The following DLG2 variants were observed in gnomAD, a reference collection of about 807,000 sequenced individuals.
The protein encoded by DLG2 is disks large homolog 2.
In DLG2, 45 loss-of-function variants were observed where a neutral mutation model predicts 132.5. The observed-to-expected ratio is 0.34, with a 90% confidence interval of 0.27 to 0.44. DLG2 has a LOEUF of 0.44. Ranked by LOEUF, DLG2 falls within the 20% of genes least tolerant of loss-of-function variation. DLG2 has a pLI of 1.00. For missense variants in DLG2, 1,045 were observed against 1,196.9 expected, an observed-to-expected ratio of 0.87 and a Z score of 1.87; for synonymous variants, 424 against 419.6, an observed-to-expected ratio of 1.01 and a Z score of -0.13.
chr11:84,605,580 G>A (rs1480382049), intron 6 of DLG2, among the ~76,000 whole-genome samples: 4 of 142,674 alleles, frequency 2.8e-5, no homozygotes, highest in Admixed American at 1.4e-4. Context: ...GTAATGCTAC[G>A]TAATCCTCTG....
intron 6 of DLG2, among the ~76,000 whole-genome samples, chr11:84,757,174 TC>T (rs567076809): frequency 1.9e-4 from 29 of 152,250 alleles, no homozygotes; most frequent in African/African-American, 6.7e-4. Flanking sequence ...CTCAGTGTGG[TC>T]CTTGGATGAA....
In DLG2 at chr11:84,515,276, T is replaced by TACACAC. The variant is rs142638064; in HGVS notation, c.519+19288_519+19293dup. ...CGTAGATTGGCTGAATGAACTTAAA[T>TACACAC]ACACACACACACACACACACACACA... On this transcript the variant is annotated intron_variant, in intron 7 of 27. Transcript: ENST00000376104. 3.9e-3 allele frequency among the ~76,000 whole-genome samples: 551 copies of TACACAC among 141,932 alleles called. 4 individuals are homozygous for TACACAC. The highest frequency in any genetic ancestry group is 0.012 in the African/African-American group (451 of 38,728). The allele number at this position is 141,932 out of a possible 152,430, so 93.1% of individuals were successfully genotyped here. A position where few individuals can be genotyped will look rare whatever the true frequency, so the allele number is the denominator to read the frequency against.
At chr11:83,836,831 A>G (rs549123504) in intron 16 of DLG2, among the ~76,000 whole-genome samples, 2 of 152,310 alleles carry the variant, frequency 1.3e-5, no homozygotes, top group African/African-American at 2.4e-5. Context: ...CCTGACTTAC[A>G]TTTGTAAATG....
intron 6 of DLG2, among the ~76,000 whole-genome samples, chr11:84,777,031 T>C (rs1469773859): frequency 6.6e-6 from 1 of 151,906 alleles, no homozygotes; most frequent in Non-Finnish European, 1.5e-5. Flanking sequence ...TAATTTCTTA[T>C]CATCCAGCTC....
At chr11:84,562,926 AT>A (rs1165844204) in intron 6 of DLG2, among the ~76,000 whole-genome samples, 1 of 151,814 alleles carries the variant, frequency 6.6e-6, no homozygotes, top group African/African-American at 2.4e-5. Flanking sequence ...CTAATTTTTT[AT>A]TTTTCATAGA....
chr11:83,900,086 C>T (rs1366058359), intron 15 of DLG2, among the ~76,000 whole-genome samples: 1 of 152,154 alleles, frequency 6.6e-6, no homozygotes, highest in African/African-American at 2.4e-5. Context: ...CATTTTCCCC[C>T]TGCCCAAGAG....
At chr11:85,533,923 A>G (rs1207084053) in intron 3 of DLG2, among the ~76,000 whole-genome samples, 1 of 152,220 alleles carries the variant, frequency 6.6e-6, no homozygotes, top group African/African-American at 2.4e-5. Context: ...ATTTAAGGAA[A>G]ACTCTAGGTT....
chr11:83,795,400 T>A (rs182567006), intron 17 of DLG2, among the ~76,000 whole-genome samples: 1 of 132,120 alleles, frequency 7.6e-6, no homozygotes, highest in East Asian at 2.1e-4. Flanking sequence ...AGAGTGAGAC[T>A]CTTTATAAGA....
intron 21 of DLG2, among the ~76,000 whole-genome samples, chr11:83,491,796 C>G (rs1450264773): frequency 6.6e-6 from 1 of 152,022 alleles, no homozygotes; most frequent in African/African-American, 2.4e-5. Context: ...TCATCTTGCA[C>G]CCTTCTCCAG....
chr11:83,937,940 C>G (rs1190946100), intron 14 of DLG2, among the ~76,000 whole-genome samples: 1 of 152,082 alleles, frequency 6.6e-6, no homozygotes, highest in African/African-American at 2.4e-5. Context: ...GTAATCCTGT[C>G]TTTTGGTTCA....
At chr11:85,592,310 T>C (rs2079410738) in intron 3 of DLG2, among the ~76,000 whole-genome samples, 1 of 152,238 alleles carries the variant, frequency 6.6e-6, no homozygotes, top group Non-Finnish European at 1.5e-5. Flanking sequence ...AAATAAGTAT[T>C]GTAAACAAAT....
chr11:83,576,819 G>C (rs1207046138), intron 19 of DLG2, among the ~76,000 whole-genome samples: 1 of 152,172 alleles, frequency 6.6e-6, no homozygotes, highest in Non-Finnish European at 1.5e-5. Flanking sequence ...ACACCTAATG[G>C]AAGTCTGGAT....
At chr11:85,350,137 T>A (rs1236836110) in intron 3 of DLG2, among the ~76,000 whole-genome samples, 1 of 152,270 alleles carries the variant, frequency 6.6e-6, no homozygotes, top group East Asian at 1.9e-4. Context: ...CATTGTGGTT[T>A]TGATTTGCAT....
chr11:84,479,242 T>G (rs1287632703), intron 7 of DLG2, among the ~76,000 whole-genome samples: 1 of 152,106 alleles, frequency 6.6e-6, no homozygotes, highest in Non-Finnish European at 1.5e-5. Flanking sequence ...TTTGCAGTAA[T>G]TTGTTTCACT....
At chr11:84,107,265 A>G (rs1182015508) in intron 9 of DLG2, among the ~76,000 whole-genome samples, 1 of 151,988 alleles carries the variant, frequency 6.6e-6, no homozygotes, top group East Asian at 1.9e-4. Context: ...GTACTACTTA[A>G]TTTCATGTAG....
intron 7 of DLG2, among the ~76,000 whole-genome samples, chr11:84,390,256 T>C (rs554416251): frequency 1.9e-4 from 29 of 152,322 alleles, no homozygotes; most frequent in Non-Finnish European, 2.4e-4. Flanking sequence ...CATAACTTAG[T>C]GAATTATGAG....
chr11:85,520,830 A>G (rs1363412615), intron 3 of DLG2, among the ~76,000 whole-genome samples: 1 of 152,104 alleles, frequency 6.6e-6, no homozygotes, highest in African/African-American at 2.4e-5. Context: ...ATGAAATTAG[A>G]CCCCTATCTC....
intron 6 of DLG2, among the ~76,000 whole-genome samples, chr11:84,934,083 G>C (rs1008530392): frequency 6.6e-6 from 1 of 152,032 alleles, no homozygotes; most frequent in Non-Finnish European, 1.5e-5. Flanking sequence ...TAACATGAAT[G>C]GATGTTGAAT....
chr11:83,673,137 T>C lies in DLG2; in HGVS notation c.1826-39812A>G, dbSNP rs369371225. On this transcript the variant is annotated intron_variant, in intron 18 of 27. Coordinates refer to ENST00000376104, the MANE Select transcript of DLG2 (RefSeq NM_001142699.3). ...GGTATTTTAGTAAGAAATGAGGCAA[T>C]GCCTATGTTTTGGACTAAAAACATA... 2.2e-4 allele frequency among the ~76,000 whole-genome samples: 34 copies of C among 152,300 alleles called. 1 individual carries two copies. In the South Asian group the frequency reaches 7.0e-3, roughly 32 times the overall value.
Sources: gnomAD v4.1 joint callset for allele counts (sites outside exome capture counted in the v4.1 genomes callset) on GRCh38, gnomAD v4.1.1 for gene constraint, MANE v1.5 for transcripts, NCBI Gene and HGNC (gene_info 2026-07-23, HGNC 2026-07-21) for gene names.